TARS3: variants seen among roughly 807,000 people sequenced by gnomAD.
The protein encoded by TARS3 is threonyl-tRNA synthetase 3, also known as threonine--tRNA ligase 2, cytoplasmic.
TARS3 carries 94 observed loss-of-function variants against 103.5 expected under a neutral mutation model. That is an observed-to-expected ratio of 0.91 (90% confidence interval 0.77 to 1.08). The LOEUF is 1.08. Among genes scored for constraint, TARS3 ranks in the 50% least tolerant of loss-of-function variants. The pLI, the probability that TARS3 is intolerant of heterozygous loss-of-function variation, is 0.00. For synonymous variants in TARS3, 416 were observed against 355.4 expected (o/e 1.17, Z -1.92); for missense variants, 952 against 995.2 (o/e 0.96, Z 0.58).
chr15:101,657,790 G>A lies in TARS3; in HGVS notation c.2140C>T (p.Leu714Phe), dbSNP rs545314292. Residue 714 changes from leucine (L) to phenylalanine (F), a missense_variant, in exon 17 of 19, where the codon CTT becomes TTT. This residue lies in a region of TARS3 where 540 missense variants were observed against 631.0 expected (regional missense o/e 0.86). Transcript: ENST00000335968. The part of the protein sequence containing the change: ...PVGPTCEKYA[L>F]QVSSEFFEEG... ...TTAAACACCTCTGATTTTACCTGAAGTGCATATTTTTCACAAGTTGGCCCC... is the reference window on the plus strand; with the variant it reads ...TTAAACACCTCTGATTTTACCTGAAATGCATATTTTTCACAAGTTGGCCCC... 6.2e-7 allele frequency: 1 copy of A among 1,606,038 alleles called. No individual in the cohort carries two copies. Among genetic ancestry groups the A allele is most frequent in the Non-Finnish European group, 8.5e-7 (1 of 1,174,808 alleles).
At chr15:101,693,329 G>A (rs995015437) in intron 10 of TARS3, among the ~76,000 whole-genome samples, 4 of 152,156 alleles carry the variant, frequency 2.6e-5, no homozygotes, top group Admixed American at 2.6e-4. Flanking sequence ...AATGGCAGCA[G>A]GCAAGGGACT....
At chr15:101,710,592 A>G (rs1398763071) in intron 5 of TARS3, among the ~76,000 whole-genome samples, 1 of 152,204 alleles carries the variant, frequency 6.6e-6, no homozygotes, top group Non-Finnish European at 1.5e-5. Flanking sequence ...TTGATTTGGG[A>G]AAAAACCCAC....
chr15:101,716,814 T>C (rs1900180077), intron 3 of TARS3, among the ~76,000 whole-genome samples: 1 of 151,700 alleles, frequency 6.6e-6, no homozygotes. Flanking sequence ...TGAGTTCTCA[T>C]AATGTTAGGT....
At chr15:101,693,170 A>G (rs1447438731) in intron 10 of TARS3, among the ~76,000 whole-genome samples, 1 of 152,194 alleles carries the variant, frequency 6.6e-6, no homozygotes, top group Non-Finnish European at 1.5e-5. Context: ...TAAATTTACC[A>G]TATCTATTCT....
chr15:101,674,561 C>T (rs1279276620), intron 13 of TARS3, among the ~76,000 whole-genome samples: 2 of 152,078 alleles, frequency 1.3e-5, no homozygotes, highest in East Asian at 3.9e-4. Context: ...AATCCCAGCA[C>T]TTTGGGAGGC....
chr15:101,674,555 C>T, intron 13 of TARS3, among the ~76,000 whole-genome samples: 1 of 151,962 alleles, frequency 6.6e-6, no homozygotes, highest in East Asian at 1.9e-4. Flanking sequence ...GCATTAAATC[C>T]CAGCACTTTG....
At chr15:101,661,676 AATAGAC>A in intron 16 of TARS3, 30 bp downstream of exon 16, 2 of 1,235,404 alleles carry the variant, frequency 1.6e-6, no homozygotes, top group East Asian at 2.4e-5. Flanking sequence ...TAAAAAGAAT[AATAGAC>A]ATATAGTTTT....
At chr15:101,672,134 C>T (rs1226676543) in intron 13 of TARS3, among the ~76,000 whole-genome samples, 1 of 152,142 alleles carries the variant, frequency 6.6e-6, no homozygotes, top group Non-Finnish European at 1.5e-5. Context: ...CTTGATCACA[C>T]TCCCTCTTCC....
At chr15:101,684,020 C>T (rs571106648) in intron 12 of TARS3, 55 bp downstream of exon 12, 11 of 1,529,076 alleles carry the variant, frequency 7.2e-6, no homozygotes, top group East Asian at 4.6e-5. Context: ...AAGATGTGTG[C>T]GGGGCATCAC....
chr15:101,673,522 T>C (rs1020450203), intron 13 of TARS3, among the ~76,000 whole-genome samples: 4 of 152,218 alleles, frequency 2.6e-5, no homozygotes, highest in African/African-American at 9.6e-5. Flanking sequence ...GTTATCATCA[T>C]CACCATTTCA....
At position 101,678,366 on chromosome 15, in the gene TARS3, C is replaced by T. The variant is rs144765664; in HGVS notation, c.1651-2629G>A. ...CTTAATATGTTAGGGCTTTACACTG[C>T]CTTTTTGTTTCCTTCTTGTTCTCTC... On this transcript the variant is annotated intron_variant, in intron 12 of 18. Coordinates refer to ENST00000335968, the MANE Select transcript of TARS3 (RefSeq NM_152334.3). Among the ~76,000 whole-genome samples, 967 of 152,254 alleles carry T rather than the reference C, an allele frequency of 6.4e-3. 11 individuals carry two copies. The highest frequency in any genetic ancestry group is 0.022 in the African/African-American group (906 of 41,532).
At position 101,669,422 on chromosome 15, in the gene TARS3, A is replaced by G. The variant is rs189994647; in HGVS notation, c.1967+2064T>C. On this transcript the variant is annotated intron_variant, in intron 15 of 18. Coordinates refer to ENST00000335968, the MANE Select transcript of TARS3 (RefSeq NM_152334.3). ...TAAGCTTAATTAACTATTGAAGAAA[A>G]AAATTATTTAAATTTAGTGTAGCCT... Among the ~76,000 whole-genome samples, 520 of 152,336 alleles carry G rather than the reference A, an allele frequency of 3.4e-3. 3 individuals carry two copies. Among genetic ancestry groups the G allele is most frequent in the Middle Eastern group, 6.8e-3 (2 of 294 alleles).
intron 15 of TARS3, among the ~76,000 whole-genome samples, chr15:101,670,775 A>G (rs1897763061): frequency 6.6e-6 from 1 of 152,218 alleles, no homozygotes; most frequent in African/African-American, 2.4e-5. Flanking sequence ...TCAATGAGAG[A>G]TTGGATCCAC....
At chr15:101,708,277 A>C (rs1422883128) in intron 6 of TARS3, among the ~76,000 whole-genome samples, 1 of 151,176 alleles carries the variant, frequency 6.6e-6, no homozygotes, top group South Asian at 2.1e-4. Flanking sequence ...AAAAAAAAAA[A>C]AAAAAAAACC....
At chr15:101,716,851 T>C (rs796525559) in intron 3 of TARS3, among the ~76,000 whole-genome samples, 4 of 126,408 alleles carry the variant, frequency 3.2e-5, no homozygotes, top group African/African-American at 1.1e-4. Context: ...AACTCTACAA[T>C]GTAATTTTTT....
chr15:101,676,575 T>C (rs567700795), intron 12 of TARS3, among the ~76,000 whole-genome samples: 1 of 152,330 alleles, frequency 6.6e-6, no homozygotes, highest in Non-Finnish European at 1.5e-5. Context: ...CTTGGCTCAC[T>C]GCAACCTCTG....
chr15:101,665,952 A>C (rs1047642851), intron 15 of TARS3, among the ~76,000 whole-genome samples: 3 of 152,230 alleles, frequency 2.0e-5, no homozygotes, highest in Non-Finnish European at 2.9e-5. Flanking sequence ...TTGAAAAAAC[A>C]AGTTGATAGA....
intron 2 of TARS3, among the ~76,000 whole-genome samples, chr15:101,721,617 C>T (rs1900464884): frequency 6.6e-6 from 1 of 152,180 alleles, no homozygotes; most frequent in Admixed American, 6.5e-5. Flanking sequence ...GCCTCGGCCA[C>T]CCGAGTAGCT....
At chr15:101,721,870 TTG>T (rs763914865) in intron 2 of TARS3, among the ~76,000 whole-genome samples, 8 of 152,196 alleles carry the variant, frequency 5.3e-5, no homozygotes, top group African/African-American at 1.4e-4. Flanking sequence ...CATACAACCA[TTG>T]TGTTTTTCAC....
Sources: gnomAD v4.1 joint callset for allele counts (sites outside exome capture counted in the v4.1 genomes callset) on GRCh38, gnomAD v4.1.1 for gene constraint, gnomAD v4.1.1 regional missense constraint, MANE v1.5 for transcripts, NCBI Gene and HGNC (gene_info 2026-07-23, HGNC 2026-07-21) for gene names.